MYRIP: variants seen among roughly 807,000 people sequenced by gnomAD.
The protein encoded by MYRIP is rab effector MyRIP.
MYRIP carries 49 observed loss-of-function variants against 98.0 expected under a neutral mutation model. The ratio of observed to expected loss-of-function variants is 0.50; its 90% confidence interval spans 0.40 to 0.63. MYRIP has a LOEUF of 0.63. Ranked by LOEUF, MYRIP falls within the 30% of genes least tolerant of loss-of-function variation. The pLI, the probability that MYRIP is intolerant of heterozygous loss-of-function variation, is 0.00. For synonymous variants in MYRIP, 404 were observed against 409.5 expected, an observed-to-expected ratio of 0.99 and a Z score of 0.16; for missense variants, 1,004 against 1,058.2, an observed-to-expected ratio of 0.95 and a Z score of 0.71.
chr3:39,884,806 A>ATTTTTTTT (rs10662369), intron 1 of MYRIP, among the ~76,000 whole-genome samples: 1 of 137,316 alleles, frequency 7.3e-6, no homozygotes. Flanking sequence ...TACAGTCATT[A>ATTTTTTTT]TTATTTTTTT....
intron 8 of MYRIP, among the ~76,000 whole-genome samples, chr3:40,177,586 G>A (rs1185761258): frequency 6.6e-6 from 1 of 152,202 alleles, no homozygotes; most frequent in Admixed American, 6.5e-5. Flanking sequence ...AGAAGGTTCA[G>A]TGCGAATGCT....
At chr3:40,144,819 T>G (rs950054841) in intron 3 of MYRIP, among the ~76,000 whole-genome samples, 6 of 152,200 alleles carry the variant, frequency 3.9e-5, no homozygotes, top group Non-Finnish European at 7.3e-5. Flanking sequence ...TAAAATAAAT[T>G]GGAGAGAGAG....
chr3:39,829,072 A>C (rs1441208468), intron 1 of MYRIP, among the ~76,000 whole-genome samples: 1 of 152,188 alleles, frequency 6.6e-6, no homozygotes, highest in Non-Finnish European at 1.5e-5. Context: ...CATAGCAGCT[A>C]TACTAGTTTA....
At chr3:39,996,014 C>T (rs1378896975) in intron 2 of MYRIP, among the ~76,000 whole-genome samples, 3 of 152,168 alleles carry the variant, frequency 2.0e-5, no homozygotes, top group Non-Finnish European at 4.4e-5. Context: ...GCCTGCCATA[C>T]AAGAGCTCCT....
chr3:40,025,192 C>T (rs545937045), intron 2 of MYRIP, among the ~76,000 whole-genome samples: 6 of 152,242 alleles, frequency 3.9e-5, no homozygotes, highest in Non-Finnish European at 5.9e-5. Flanking sequence ...TGGGGCATGG[C>T]GAGTGCTCCA....
At position 39,866,491 on chromosome 3, in the gene MYRIP, A is replaced by G. The variant is rs1306563782; in HGVS notation, c.-30-34296A>G. Among the ~76,000 whole-genome samples the G allele has an allele frequency of 3.9e-5, 6 of 152,150 alleles. No individual in the cohort carries two copies. In the East Asian group the frequency reaches 7.7e-4, roughly 20 times the overall value. ...AAATAATAAAAAATTTTTTTTTGAG[A>G]CGGAGTTTCGCTCTTGTTGCCGAGG... On this transcript the variant is annotated intron_variant, in intron 1 of 16. Coordinates refer to ENST00000302541, the MANE Select transcript of MYRIP (RefSeq NM_015460.4).
intron 2 of MYRIP, among the ~76,000 whole-genome samples, chr3:39,946,362 CA>C (rs1944902108): frequency 6.6e-6 from 1 of 152,110 alleles, no homozygotes; most frequent in South Asian, 2.1e-4. Flanking sequence ...CTGGTGTATG[CA>C]TCTTACATAA....
chr3:39,872,182 G>T (rs1942812613), intron 1 of MYRIP, among the ~76,000 whole-genome samples: 1 of 151,838 alleles, frequency 6.6e-6, no homozygotes, highest in South Asian at 2.1e-4. Flanking sequence ...TAAAGTTAAT[G>T]AATACTTACA....
chr3:40,094,984 A>G (rs1559398312), intron 3 of MYRIP, among the ~76,000 whole-genome samples: 1 of 152,174 alleles, frequency 6.6e-6, no homozygotes, highest in East Asian at 1.9e-4. Flanking sequence ...AGCATGGCTA[A>G]CACGAGTCTG....
chr3:40,005,642 A>T (rs1018720393), intron 2 of MYRIP, among the ~76,000 whole-genome samples: 1 of 152,240 alleles, frequency 6.6e-6, no homozygotes, highest in Non-Finnish European at 1.5e-5. Flanking sequence ...TAATAATAGA[A>T]GTATTAGCTG....
intron 10 of MYRIP, among the ~76,000 whole-genome samples, chr3:40,193,441 A>T (rs114459872): frequency 7.9e-4 from 120 of 152,288 alleles, no homozygotes; most frequent in African/African-American, 2.8e-3. Context: ...AATGATGGGT[A>T]TTTAAAGACT....
intron 2 of MYRIP, among the ~76,000 whole-genome samples, chr3:40,038,969 A>G (rs1175444601): frequency 6.6e-6 from 1 of 152,184 alleles, no homozygotes; most frequent in Non-Finnish European, 1.5e-5. Flanking sequence ...ATAGGCAGAG[A>G]TGGAACAGCA....
At chr3:39,905,359 G>A (rs1446796366) in intron 2 of MYRIP, among the ~76,000 whole-genome samples, 1 of 152,098 alleles carries the variant, frequency 6.6e-6, no homozygotes, top group Non-Finnish European at 1.5e-5. Context: ...ATCAGTATTA[G>A]ACATTCTTTC....
chr3:40,222,944 T>C (rs1408522999), intron 11 of MYRIP, among the ~76,000 whole-genome samples: 1 of 152,236 alleles, frequency 6.6e-6, no homozygotes, highest in East Asian at 1.9e-4. Flanking sequence ...AACTTCCCAT[T>C]TCAGAGGTTT....
At chr3:39,897,741 T>A (rs1327557223) in intron 1 of MYRIP, among the ~76,000 whole-genome samples, 1 of 152,206 alleles carries the variant, frequency 6.6e-6, no homozygotes, top group African/African-American at 2.4e-5. Context: ...AAGAAGCTTT[T>A]ACCAATTTAA....
intron 2 of MYRIP, among the ~76,000 whole-genome samples, chr3:39,968,542 T>A (rs1450785987): frequency 1.3e-5 from 2 of 152,318 alleles, no homozygotes; most frequent in East Asian, 3.9e-4. Flanking sequence ...CTTCTGCATG[T>A]GGCTAGCCAG....
At chr3:40,180,451 G>C (rs1413211673) in intron 8 of MYRIP, among the ~76,000 whole-genome samples, 1 of 152,218 alleles carries the variant, frequency 6.6e-6, no homozygotes, top group Non-Finnish European at 1.5e-5. Flanking sequence ...GGCCAGAAGA[G>C]AGATGTTTGC....
At chr3:39,938,593 T>G (rs867125141) in intron 2 of MYRIP, among the ~76,000 whole-genome samples, 8 of 152,206 alleles carry the variant, frequency 5.3e-5, no homozygotes, top group Admixed American at 6.6e-5. Flanking sequence ...CAGTAACATA[T>G]GAGGGTTCTG....
intron 8 of MYRIP, among the ~76,000 whole-genome samples, chr3:40,172,135 T>C (rs888664595): frequency 2.0e-5 from 3 of 152,208 alleles, no homozygotes; most frequent in Admixed American, 6.5e-5. Context: ...ACCATATCAG[T>C]GCTACAGAGA....
Sources: gnomAD v4.1 joint callset for allele counts (sites outside exome capture counted in the v4.1 genomes callset) on GRCh38, gnomAD v4.1.1 for gene constraint, MANE v1.5 for transcripts, NCBI Gene and HGNC (gene_info 2026-07-23, HGNC 2026-07-21) for gene names.